Variants in FUT9 observed in about 807,000 individuals in gnomAD.
The protein encoded by FUT9 is 4-galactosyl-N-acetylglucosaminide 3-alpha-L-fucosyltransferase 9.
A neutral mutation model predicts 29.7 loss-of-function variants in FUT9; 15 were observed. That is an observed-to-expected ratio of 0.51 (90% CI 0.34 to 0.78). FUT9 has a LOEUF of 0.78. Ranked by LOEUF, FUT9 falls within the 30% of genes least tolerant of loss-of-function variation. The pLI is 0.01. For missense variants in FUT9, 319 were observed against 425.4 expected, an observed-to-expected ratio of 0.75 and a Z score of 2.20; for synonymous variants, 169 against 153.7, an observed-to-expected ratio of 1.10 and a Z score of -0.74.
rs17055974 is a variant in FUT9 at position 96,048,676 on chromosome 6, A to C, written c.-98+32464A>C. On this transcript the variant is annotated intron_variant, in intron 1 of 2. Transcript: ENST00000302103. ...AGATGAGTGTATTCTCATGGAACGG[A>C]AGCGAAGAAAAGAGATCGGCAGTGG... Among the ~76,000 whole-genome samples the C allele has an allele frequency of 4.8e-3, 724 of 152,296 alleles. 6 individuals carry two copies. Among genetic ancestry groups the C allele is most frequent in the African/African-American group, 0.017 (700 of 41,562 alleles).
intron 2 of FUT9, among the ~76,000 whole-genome samples, chr6:96,172,261 C>A (rs978148970): frequency 6.6e-6 from 1 of 152,184 alleles, no homozygotes; most frequent in Non-Finnish European, 1.5e-5. Context: ...AGGATTTCAA[C>A]ATATAAATTT....
intron 2 of FUT9, among the ~76,000 whole-genome samples, chr6:96,135,800 A>G (rs1772337919): frequency 1.3e-5 from 2 of 151,832 alleles, no homozygotes. Context: ...GTTAGATCTT[A>G]TTACATGTTC....
chr6:96,066,179 A>T, intron 1 of FUT9, among the ~76,000 whole-genome samples: 1 of 152,082 alleles, frequency 6.6e-6, no homozygotes, highest in East Asian at 1.9e-4. Context: ...TAGTTAAGAA[A>T]GTTAATTGAT....
At chr6:96,062,550 A>G (rs1308172131) in intron 1 of FUT9, among the ~76,000 whole-genome samples, 2 of 152,080 alleles carry the variant, frequency 1.3e-5, no homozygotes, top group African/African-American at 2.4e-5. Flanking sequence ...TTCCCCATGC[A>G]TGTGTATCTA....
At chr6:96,038,248 G>T (rs543938238) in intron 1 of FUT9, among the ~76,000 whole-genome samples, 1 of 152,242 alleles carries the variant, frequency 6.6e-6, no homozygotes, top group African/African-American at 2.4e-5. Flanking sequence ...CAGAACGGTT[G>T]CACATATTCA....
chr6:96,060,543 C>T (rs9498927), intron 1 of FUT9, among the ~76,000 whole-genome samples: 81,609 of 149,226 alleles, frequency 0.55, 22,139 homozygotes, highest in South Asian at 0.64. Context: ...TTCTCTCTCT[C>T]TTTTTTTTTT....
At position 96,041,690 on chromosome 6, in the gene FUT9, A is replaced by G. The variant is rs578160212; in HGVS notation, c.-98+25478A>G. ...GTCTAAGGGCATTTCCAGCTCCAAA[A>G]TTCTTTGATCTAAGTGTTTTTATTT... On this transcript the variant is annotated intron_variant, in intron 1 of 2. Transcript: ENST00000302103. Among the ~76,000 whole-genome samples the G allele has an allele frequency of 9.2e-5, 14 of 152,210 alleles. No homozygotes were observed. In the South Asian group the frequency reaches 2.7e-3, roughly 29 times the overall value.
intron 2 of FUT9, among the ~76,000 whole-genome samples, chr6:96,161,207 G>T (rs1256120850): frequency 1.3e-5 from 2 of 152,088 alleles, no homozygotes; most frequent in African/African-American, 4.8e-5. Flanking sequence ...TTAAGAGGTG[G>T]GGTCATTGGT....
chr6:96,180,619 T>C (rs987710268), intron 2 of FUT9, among the ~76,000 whole-genome samples: 1 of 152,018 alleles, frequency 6.6e-6, no homozygotes, highest in African/African-American at 2.4e-5. Flanking sequence ...GCTATCCCCC[T>C]GCCACCAACA....
intron 2 of FUT9, among the ~76,000 whole-genome samples, chr6:96,143,344 A>G (rs952916179): frequency 6.6e-6 from 1 of 152,308 alleles, no homozygotes; most frequent in East Asian, 1.9e-4. Context: ...TGTTTCTAAG[A>G]CATTCAGTTC....
rs1421969370 is a variant in FUT9, at chr6:96,210,556, T to A, written c.*6321T>A. 1.2e-5 allele frequency: 2 copies of A among 166,834 alleles called. No homozygotes were observed. Among genetic ancestry groups the A allele is most frequent in the African/African-American group, 4.8e-5 (2 of 41,454 alleles). 10.3% of individuals were successfully genotyped at this position (166,834 alleles called of 1,614,324 possible). ...AGGCATACCTCAGGAAATCACCAGT[T>A]CTCGTCTTGGAGGAACTATTAGGAA... On this transcript the variant is annotated 3_prime_UTR_variant, in exon 3 of 3. Transcript: ENST00000302103.
intron 1 of FUT9, among the ~76,000 whole-genome samples, chr6:96,054,200 A>G (rs1479829423): frequency 6.6e-6 from 1 of 152,168 alleles, no homozygotes; most frequent in African/African-American, 2.4e-5. Context: ...TCACTCCTTC[A>G]ATCAACTCTT....
At chr6:96,019,823 C>T (rs1167522411) in intron 1 of FUT9, among the ~76,000 whole-genome samples, 1 of 152,066 alleles carries the variant, frequency 6.6e-6, no homozygotes, top group Non-Finnish European at 1.5e-5. Flanking sequence ...CATTCCATTT[C>T]TGTTACTCTA....
chr6:96,081,303 TTC>T (rs1771233464), intron 1 of FUT9, among the ~76,000 whole-genome samples: 1 of 151,832 alleles, frequency 6.6e-6, no homozygotes, highest in Admixed American at 6.6e-5. Context: ...TTAAAAAGTA[TTC>T]TTTCACACAC....
intron 2 of FUT9, among the ~76,000 whole-genome samples, chr6:96,170,462 T>C (rs573949390): frequency 6.6e-6 from 1 of 152,118 alleles, no homozygotes; most frequent in South Asian, 2.1e-4. Context: ...CAACAATATA[T>C]CAAAATCAAA....
chr6:96,041,115 C>T (rs1299162778), intron 1 of FUT9, among the ~76,000 whole-genome samples: 1 of 151,458 alleles, frequency 6.6e-6, no homozygotes, highest in Non-Finnish European at 1.5e-5. Context: ...CTCCTGTGAC[C>T]CATCTTGCAA....
At chr6:96,163,629 G>A (rs2127980740) in intron 2 of FUT9, among the ~76,000 whole-genome samples, 1 of 148,654 alleles carries the variant, frequency 6.7e-6, no homozygotes, top group Admixed American at 6.6e-5. Flanking sequence ...TTCTGACCAT[G>A]AAGCATCTCT....
intron 2 of FUT9, among the ~76,000 whole-genome samples, chr6:96,120,371 C>T (rs6571050): frequency 0.86 from 127,120 of 147,392 alleles, 55,768 homozygotes; most frequent in Admixed American, 0.94. Context: ...CCTGGGTTCA[C>T]GCCATTCTCC....
intron 1 of FUT9, among the ~76,000 whole-genome samples, chr6:96,061,787 C>T (rs950507408): frequency 3.9e-5 from 6 of 152,102 alleles, no homozygotes; most frequent in Non-Finnish European, 7.4e-5. Context: ...GTGCTAATTA[C>T]CCAATCACAA....
Sources: allele counts gnomAD v4.1 joint callset (sites outside exome capture counted in the v4.1 genomes callset), GRCh38; gene constraint gnomAD v4.1.1; transcripts MANE v1.5; gene names NCBI Gene and HGNC (gene_info 2026-07-23, HGNC 2026-07-21).